RNF38: variants seen among roughly 807,000 people sequenced by gnomAD.
RNF38 encodes the protein ring finger protein 38.
A neutral mutation model predicts 67.2 loss-of-function variants in RNF38; 15 were observed. That is an observed-to-expected ratio of 0.22 (90% CI 0.15 to 0.34). The LOEUF is 0.34. Ranked by LOEUF, RNF38 falls within the 10% of genes least tolerant of loss-of-function variation. RNF38 has a pLI of 1.00. For synonymous variants in RNF38, 220 were observed against 218.8 expected, an observed-to-expected ratio of 1.01 and a Z score of -0.05; for missense variants, 524 against 639.9, an observed-to-expected ratio of 0.82 and a Z score of 1.95.
At chr9:36,484,633 C>G (rs1453358706) in intron 1 of RNF38, among the ~76,000 whole-genome samples, 18 of 152,154 alleles carry the variant, frequency 1.2e-4, no homozygotes, top group Admixed American at 1.2e-3. Flanking sequence ...CTCATCTTCT[C>G]TTCCCAAAGA....
At chr9:36,384,128 T>C (rs552339100) in intron 2 of RNF38, among the ~76,000 whole-genome samples, 29 of 152,282 alleles carry the variant, frequency 1.9e-4, no homozygotes, top group African/African-American at 6.5e-4. Flanking sequence ...GATGCTACAA[T>C]TGTAAGTATC....
chr9:36,399,986 T>G (rs553583984), intron 1 of RNF38, 111 bp downstream of exon 1: 1 of 946,262 alleles, frequency 1.1e-6, no homozygotes, highest in Non-Finnish European at 1.6e-6. Context: ...ATTCATATAA[T>G]GGTGGCAATA....
At chr9:36,469,009 G>A (rs1310760767) in intron 1 of RNF38, among the ~76,000 whole-genome samples, 1 of 152,142 alleles carries the variant, frequency 6.6e-6, no homozygotes, top group African/African-American at 2.4e-5. Context: ...CTACTCAGGA[G>A]GCTGAGGCAG....
At chr9:36,425,101 A>G (rs1838734515) in intron 1 of RNF38, among the ~76,000 whole-genome samples, 1 of 152,218 alleles carries the variant, frequency 6.6e-6, no homozygotes. Context: ...CATATAAGAA[A>G]CAATCTAATC....
At chr9:36,477,596 C>T (rs966962889) in intron 1 of RNF38, among the ~76,000 whole-genome samples, 1 of 150,982 alleles carries the variant, frequency 6.6e-6, no homozygotes, top group South Asian at 2.1e-4. Context: ...CTGAGGCAGG[C>T]GGATCACGAG....
upstream of RNF38, among the ~76,000 whole-genome samples, chr9:36,402,892 G>A (rs552511465): frequency 5.3e-5 from 8 of 151,944 alleles, no homozygotes; most frequent in South Asian, 1.0e-3. Context: ...GTGCTCTGTC[G>A]CCCAGGCTGG....
intron 1 of RNF38, among the ~76,000 whole-genome samples, chr9:36,460,595 A>G (rs1398364648): frequency 1.3e-5 from 2 of 152,118 alleles, no homozygotes; most frequent in Non-Finnish European, 2.9e-5. Flanking sequence ...ACACATATAA[A>G]GAAAAAAAGG....
chr9:36,380,371 G>T (rs969844143), intron 2 of RNF38, among the ~76,000 whole-genome samples: 1 of 152,052 alleles, frequency 6.6e-6, no homozygotes, highest in Non-Finnish European at 1.5e-5. Context: ...TGCTAATTTT[G>T]TATTTTTAAG....
intron 1 of RNF38, among the ~76,000 whole-genome samples, chr9:36,444,807 A>C (rs1404427634): frequency 6.6e-6 from 1 of 152,188 alleles, no homozygotes; most frequent in Non-Finnish European, 1.5e-5. Flanking sequence ...GTCTCAAAAA[A>C]AGATTTGAAT....
chr9:36,479,948 C>T (rs1840210277), intron 1 of RNF38, among the ~76,000 whole-genome samples: 1 of 151,904 alleles, frequency 6.6e-6, no homozygotes, highest in Non-Finnish European at 1.5e-5. Context: ...AGTATGAGTT[C>T]CAACTTTTCT....
At chr9:36,399,328 T>C (rs1564043461) in intron 1 of RNF38, among the ~76,000 whole-genome samples, 1 of 152,036 alleles carries the variant, frequency 6.6e-6, no homozygotes, top group Non-Finnish European at 1.5e-5. Flanking sequence ...GAGGCCCACA[T>C]GACGAGTCTG....
chr9:36,369,334 G>A (rs1835202574), intron 4 of RNF38, among the ~76,000 whole-genome samples: 1 of 152,108 alleles, frequency 6.6e-6, no homozygotes, highest in African/African-American at 2.4e-5. Flanking sequence ...CTGAGTTCAA[G>A]TGATTCTTCT....
At chr9:36,372,413 C>T (rs1835456856) in intron 3 of RNF38, 1 of 598,414 alleles carries the variant, frequency 1.7e-6, no homozygotes, top group Non-Finnish European at 3.0e-6. Flanking sequence ...TGTTTATTCA[C>T]AGTTCTTTGT....
At chr9:36,365,560 C>T (rs1206018415) in intron 4 of RNF38, among the ~76,000 whole-genome samples, 18 of 151,480 alleles carry the variant, frequency 1.2e-4, no homozygotes, top group Admixed American at 7.2e-4. Flanking sequence ...GCAAGAAGAG[C>T]GAAACTCTGT....
chr9:36,487,057 G>A (rs1840431432), intron 1 of RNF38, among the ~76,000 whole-genome samples: 1 of 152,198 alleles, frequency 6.6e-6, no homozygotes, highest in African/African-American at 2.4e-5. Context: ...CCTCCGCCGA[G>A]CAGAGACCTA....
chr9:36,360,801 C>T (rs150298013), intron 4 of RNF38, among the ~76,000 whole-genome samples: 7 of 152,152 alleles, frequency 4.6e-5, no homozygotes, highest in African/African-American at 7.2e-5. Context: ...ACCCCCCTAC[C>T]CCGACCAACT....
chr9:36,430,629 A>T (rs996430042), intron 1 of RNF38, among the ~76,000 whole-genome samples: 1 of 152,138 alleles, frequency 6.6e-6, no homozygotes, highest in African/African-American at 2.4e-5. Context: ...CAAGAAGGAA[A>T]TGTCTGATTT....
intron 2 of RNF38, among the ~76,000 whole-genome samples, chr9:36,378,340 C>A (rs1218633438): frequency 1.3e-5 from 2 of 152,006 alleles, no homozygotes; most frequent in Non-Finnish European, 1.5e-5. Flanking sequence ...CCATGCCCAG[C>A]TAATTTTTTG....
chr9:36,397,850 G>A (rs940996194), intron 1 of RNF38, among the ~76,000 whole-genome samples: 4 of 152,018 alleles, frequency 2.6e-5, no homozygotes, highest in East Asian at 1.9e-4. Flanking sequence ...AAAGAAGTAT[G>A]TCTAAAATCG....
Sources: gnomAD v4.1 joint callset for allele counts (sites outside exome capture counted in the v4.1 genomes callset) on GRCh38, gnomAD v4.1.1 for gene constraint, MANE v1.5 for transcripts, NCBI Gene and HGNC (gene_info 2026-07-23, HGNC 2026-07-21) for gene names.